Variants in HECW2 observed in about 807,000 individuals in gnomAD.
HECW2 encodes the protein HECT, C2 and WW domain containing E3 ubiquitin protein ligase 2, also known as E3 ubiquitin-protein ligase HECW2.
In HECW2, 61 loss-of-function variants were observed where a neutral mutation model predicts 175.2. That is an observed-to-expected ratio of 0.35 (90% CI 0.28 to 0.43). The LOEUF (loss-of-function observed/expected upper bound fraction) is 0.43. HECW2 is among the 20% of genes least tolerant of loss of function. The pLI is 1.00. For synonymous variants in HECW2, 671 were observed against 731.0 expected (o/e 0.92, Z 1.32); for missense variants, 1,524 against 2,000.5 (o/e 0.76, Z 4.54).
chr2:196,397,140 A>AAAC (rs1694694493), intron 2 of HECW2, among the ~76,000 whole-genome samples: 2 of 17,314 alleles, frequency 1.2e-4, no homozygotes, highest in Non-Finnish European at 3.4e-4. Context: ...AAAACAAAAA[A>AAAC]AAAAAAAACA....
intron 1 of HECW2, among the ~76,000 whole-genome samples, chr2:196,504,276 T>C (rs1687676485): frequency 8.6e-6 from 1 of 116,014 alleles, no homozygotes; most frequent in African/African-American, 3.2e-5. Context: ...AGCTGGGGGA[T>C]AAGAGTGAAA....
intron 1 of HECW2, among the ~76,000 whole-genome samples, chr2:196,576,049 G>A (rs943855758): frequency 4.0e-5 from 6 of 148,784 alleles, no homozygotes; most frequent in Non-Finnish European, 9.0e-5. Context: ...CTATATTAAC[G>A]GTGGTCTCAT....
chr2:196,461,053 C>T (rs1337970966), intron 1 of HECW2, among the ~76,000 whole-genome samples: 1 of 152,066 alleles, frequency 6.6e-6, no homozygotes, highest in Non-Finnish European at 1.5e-5. Flanking sequence ...GTCTCCTCCC[C>T]ATTCAATTCT....
intron 1 of HECW2, among the ~76,000 whole-genome samples, chr2:196,518,649 T>C (rs533684540): frequency 8.4e-6 from 1 of 118,982 alleles, no homozygotes; most frequent in South Asian, 2.8e-4. Context: ...AGCGAGATTC[T>C]GTCTCAAAAA....
intron 1 of HECW2, among the ~76,000 whole-genome samples, chr2:196,525,032 T>C (rs1306595656): frequency 1.4e-5 from 2 of 140,248 alleles, no homozygotes; most frequent in Non-Finnish European, 3.0e-5. Context: ...TGGGTATCCT[T>C]GTTGACTTTC....
intron 1 of HECW2, among the ~76,000 whole-genome samples, chr2:196,591,542 G>A (rs1234550238): frequency 6.6e-6 from 1 of 152,172 alleles, no homozygotes; most frequent in East Asian, 1.9e-4. Context: ...CTTTTTGAAT[G>A]TTCAACAAAA....
intron 1 of HECW2, among the ~76,000 whole-genome samples, chr2:196,585,231 A>G (rs1690932153): frequency 6.6e-6 from 1 of 152,158 alleles, no homozygotes; most frequent in South Asian, 2.1e-4. Flanking sequence ...CCTGTTTTCC[A>G]TTAGATTCTG....
chr2:196,367,445 T>C (rs1284627839), intron 2 of HECW2, among the ~76,000 whole-genome samples: 1 of 152,192 alleles, frequency 6.6e-6, no homozygotes, highest in Non-Finnish European at 1.5e-5. Flanking sequence ...TCAGGGTAAA[T>C]GAAGTATTCA....
chr2:196,531,631 C>T (rs1214714361), intron 1 of HECW2, among the ~76,000 whole-genome samples: 1 of 149,372 alleles, frequency 6.7e-6, no homozygotes, highest in Non-Finnish European at 1.5e-5. Context: ...CACTGCAGTC[C>T]AGCCCAGGCA....
At chr2:196,496,113 A>G (rs897438058) in intron 1 of HECW2, among the ~76,000 whole-genome samples, 5 of 152,166 alleles carry the variant, frequency 3.3e-5, no homozygotes, top group Non-Finnish European at 7.3e-5. Context: ...AGTTTTCAAT[A>G]AGTACAGAGG....
intron 2 of HECW2, among the ~76,000 whole-genome samples, chr2:196,409,952 G>A (rs933623902): frequency 6.6e-6 from 1 of 152,194 alleles, no homozygotes; most frequent in Admixed American, 6.5e-5. Flanking sequence ...ATTTGCTAAA[G>A]TCAATTCCCT....
chr2:196,330,997 C>G, intron 4 of HECW2: 1 of 208,416 alleles, frequency 4.8e-6, no homozygotes, highest in Non-Finnish European at 8.4e-6. Context: ...AAAAATCACA[C>G]ATCCCCAGGA....
At chr2:196,232,545 G>A (rs1407539320) in intron 21 of HECW2, among the ~76,000 whole-genome samples, 1 of 152,136 alleles carries the variant, frequency 6.6e-6, no homozygotes, top group African/African-American at 2.4e-5. Flanking sequence ...TAGCAGATTT[G>A]CACATTTGCC....
chr2:196,240,295 C>G (rs1414543151), intron 21 of HECW2, 154 bp downstream of exon 21: 1 of 427,398 alleles, frequency 2.3e-6, no homozygotes, highest in South Asian at 6.7e-5. Flanking sequence ...CAGAGGAGAC[C>G]TTTAAAAAAA....
intron 1 of HECW2, among the ~76,000 whole-genome samples, chr2:196,465,013 G>A (rs2125335474): frequency 6.6e-6 from 1 of 152,246 alleles, no homozygotes; most frequent in Non-Finnish European, 1.5e-5. Flanking sequence ...TCCAGCCCGG[G>A]TGACAGTACA....
At chr2:196,323,899 G>GTTTTTT (rs1183919803) in intron 6 of HECW2, among the ~76,000 whole-genome samples, 9 of 118,180 alleles carry the variant, frequency 7.6e-5, no homozygotes, top group East Asian at 2.6e-4. Flanking sequence ...GCCCTTAAGA[G>GTTTTTT]TTTTTTTTGT....
intron 1 of HECW2, among the ~76,000 whole-genome samples, chr2:196,546,790 A>T (rs1460093410): frequency 6.6e-6 from 1 of 151,866 alleles, no homozygotes; most frequent in Non-Finnish European, 1.5e-5. Flanking sequence ...CAACTCGTAC[A>T]GAGAGACCTG....
At chr2:196,256,127 A>G (rs566431954) in intron 18 of HECW2, among the ~76,000 whole-genome samples, 1 of 152,308 alleles carries the variant, frequency 6.6e-6, no homozygotes, top group East Asian at 1.9e-4. Flanking sequence ...ATTTTTCAAT[A>G]ATCACTAATT....
rs576281635 is a variant in HECW2, at chr2:196,315,401, T to C, written c.2434+1873A>G. Among the ~76,000 whole-genome samples the C allele has an allele frequency of 1.1e-4, 16 of 152,252 alleles. No homozygotes were observed. In the South Asian group the frequency reaches 3.1e-3, roughly 30 times the overall value. The stretch of plus-strand genomic sequence containing the variant: ...CCCCATTGCAGGATGTTTGATACAC[T>C]GGCCCCCCACCCACTAAATGCCAGT... On this transcript the variant is annotated intron_variant, in intron 10 of 28. Transcript: ENST00000644978.
Sources: allele counts gnomAD v4.1 joint callset (sites outside exome capture counted in the v4.1 genomes callset), GRCh38; gene constraint gnomAD v4.1.1; transcripts MANE v1.5; gene names NCBI Gene and HGNC (gene_info 2026-07-23, HGNC 2026-07-21).